The following ETNK1 variants were observed in gnomAD, a reference collection of about 807,000 sequenced individuals.
ETNK1 encodes the protein ethanolamine kinase 1, also known as putative protein product of Nbla10396.
Under a neutral mutation model 45.1 loss-of-function variants are expected in ETNK1, and 8 were observed. The ratio of observed to expected loss-of-function variants is 0.18; its 90% CI spans 0.10 to 0.32. ETNK1 has a LOEUF of 0.32. Ranked by LOEUF, ETNK1 falls within the 10% of genes least tolerant of loss-of-function variation. ETNK1 has a pLI of 1.00. For synonymous variants in ETNK1, 152 were observed against 151.9 expected, an observed-to-expected ratio of 1.00 and a Z score of -0.01; for missense variants, 302 against 430.6, an observed-to-expected ratio of 0.70 and a Z score of 2.64.
Position 22,673,415 on chromosome 12 carries a change from A to G in ETNK1, c.785-85A>G, listed in dbSNP as rs374921492. 2.2e-5 allele frequency: 23 copies of G among 1,037,704 alleles called. 1 individual carries two copies. In the African/African-American group the frequency reaches 3.7e-4, roughly 17 times the overall value. 64.3% of individuals were successfully genotyped at this position (1,037,704 alleles called of 1,614,324 possible). On this transcript the variant is annotated intron_variant, in intron 5 of 7. Transcript: ENST00000266517. Reference sequence around the variant, plus strand: ...AAATGGAACTTTTCATTTTTTATGAAAAAATGGTGGTTTTAGGGATTATTA... The same window carrying G: ...AAATGGAACTTTTCATTTTTTATGAGAAAATGGTGGTTTTAGGGATTATTA...
rs948834361 is a variant in ETNK1, at chr12:22,633,175, G to A, written c.156+7589G>A. Among the ~76,000 whole-genome samples the A allele has an allele frequency of 5.9e-5, 9 of 152,104 alleles. No homozygotes were observed. In the South Asian group the frequency reaches 1.0e-3, roughly 18 times the overall value. ...TTCAGTTTTCTGAAGTGATTGTCCC[G>A]GTTTATATTCCTAACAGCATTATGT... is the stretch of plus-strand genomic sequence containing the variant. On this transcript the variant is annotated intron_variant, in intron 1 of 7. Coordinates refer to ENST00000266517, the MANE Select transcript of ETNK1 (RefSeq NM_018638.5).
intron 1 of ETNK1, among the ~76,000 whole-genome samples, chr12:22,640,486 A>G (rs946112031): frequency 2.0e-5 from 3 of 151,692 alleles, no homozygotes; most frequent in East Asian, 1.9e-4. Context: ...ACTTTTAGAG[A>G]CATATTGAAA....
chr12:22,666,059 A>C (rs557448121), intron 4 of ETNK1, among the ~76,000 whole-genome samples: 1 of 152,198 alleles, frequency 6.6e-6, no homozygotes, highest in African/African-American at 2.4e-5. Context: ...TGCGAATGTT[A>C]TTGGAACAGA....
chr12:22,635,486 T>G (rs1332968408), intron 1 of ETNK1, among the ~76,000 whole-genome samples: 3 of 152,240 alleles, frequency 2.0e-5, no homozygotes, highest in Non-Finnish European at 1.5e-5. Context: ...CGTGTTTTCT[T>G]TGGTGACTAT....
intron 1 of ETNK1, among the ~76,000 whole-genome samples, chr12:22,627,586 A>C (rs1953519237): frequency 6.6e-6 from 1 of 152,056 alleles, no homozygotes; most frequent in Non-Finnish European, 1.5e-5. Flanking sequence ...ATGGTTCAGA[A>C]TTTCTTTAGT....
chr12:22,625,853 A>AT, intron 1 of ETNK1: 1 of 679,604 alleles, frequency 1.5e-6, no homozygotes, highest in Middle Eastern at 2.4e-4. Context: ...ACGGGGGGAG[A>AT]TTCCTGCTGA....
At chr12:22,635,993 C>T (rs915192857) in intron 1 of ETNK1, among the ~76,000 whole-genome samples, 8 of 152,040 alleles carry the variant, frequency 5.3e-5, no homozygotes, top group Non-Finnish European at 1.0e-4. Flanking sequence ...GTCTGGCCAA[C>T]CCTGTCTCTA....
chr12:22,672,339 A>T (rs1224343718), intron 5 of ETNK1, among the ~76,000 whole-genome samples: 1 of 152,050 alleles, frequency 6.6e-6, no homozygotes, highest in Non-Finnish European at 1.5e-5. Flanking sequence ...CCTAGTAGGA[A>T]TTTTTTATTG....
intron 2 of ETNK1, among the ~76,000 whole-genome samples, chr12:22,644,846 A>G (rs539011969): frequency 6.6e-6 from 1 of 151,982 alleles, no homozygotes; most frequent in Non-Finnish European, 1.5e-5. Flanking sequence ...GTCTTGTGAA[A>G]ATAGTTTCAA....
intron 4 of ETNK1, among the ~76,000 whole-genome samples, chr12:22,667,062 TA>T (rs1439783621): frequency 2.0e-5 from 3 of 152,238 alleles, no homozygotes; most frequent in African/African-American, 4.8e-5. Context: ...TTTTAATTTG[TA>T]TTCTCAACCA....
chr12:22,664,040 T>A (rs996769950), intron 4 of ETNK1, among the ~76,000 whole-genome samples: 1 of 152,006 alleles, frequency 6.6e-6, no homozygotes, highest in African/African-American at 2.4e-5. Flanking sequence ...TAACCTAGTC[T>A]TTAGTGTTAC....
rs138086696 is a variant in ETNK1 at position 22,642,773 on chromosome 12, T to C, written c.157-990T>C. Among the ~76,000 whole-genome samples, 544 of 152,214 alleles carry C rather than the reference T, an allele frequency of 3.6e-3. 5 individuals are homozygous for C. The highest frequency in any genetic ancestry group is 0.013 in the African/African-American group (520 of 41,574). ...AAAAAAATGTTCTGAATTCTTGCTT[T>C]CGCTTTTCTCTTTTCTTCCTTTGTT... On this transcript the variant is annotated intron_variant, in intron 1 of 7. Transcript: ENST00000266517.
intron 2 of ETNK1, chr12:22,644,453 A>G (rs1479364267): frequency 2.1e-6 from 2 of 960,386 alleles, no homozygotes; most frequent in Non-Finnish European, 2.7e-6. Flanking sequence ...TTAATTTAAT[A>G]TATTATGTTT....
intron 1 of ETNK1, among the ~76,000 whole-genome samples, chr12:22,640,181 G>C (rs1953716687): frequency 6.6e-6 from 1 of 152,126 alleles, no homozygotes; most frequent in Admixed American, 6.6e-5. Flanking sequence ...AGAACAAATT[G>C]AGAATCCATT....
At chr12:22,674,842 G>A (rs138423737) in intron 6 of ETNK1, among the ~76,000 whole-genome samples, 1 of 152,146 alleles carries the variant, frequency 6.6e-6, no homozygotes, top group African/African-American at 2.4e-5. Context: ...TCTGTACATG[G>A]CATTGAAAAA....
intron 6 of ETNK1, among the ~76,000 whole-genome samples, chr12:22,676,184 G>A (rs191804077): frequency 1.3e-5 from 2 of 151,928 alleles, no homozygotes; most frequent in Non-Finnish European, 2.9e-5. Flanking sequence ...GACAGGCCCC[G>A]GTGTGTGATG....
chr12:22,639,811 A>G (rs1592115916), intron 1 of ETNK1, among the ~76,000 whole-genome samples: 1 of 152,214 alleles, frequency 6.6e-6, no homozygotes, highest in Non-Finnish European at 1.5e-5. Flanking sequence ...GATGACTCCT[A>G]CCATTATAAA....
chr12:22,671,089 G>A (rs1429914024), intron 4 of ETNK1, 183 bp from the exon 5 acceptor site: 2 of 533,826 alleles, frequency 3.7e-6, no homozygotes, highest in Non-Finnish European at 6.5e-6. Flanking sequence ...GACATAATTT[G>A]AATTTTGTAA....
intron 4 of ETNK1, among the ~76,000 whole-genome samples, chr12:22,664,615 T>C (rs1342545877): frequency 6.6e-6 from 1 of 152,096 alleles, no homozygotes; most frequent in Non-Finnish European, 1.5e-5. Flanking sequence ...GGCAGCAATT[T>C]TGAAAAGGTT....
Sources: gnomAD v4.1 joint callset for allele counts (sites outside exome capture counted in the v4.1 genomes callset) on GRCh38, gnomAD v4.1.1 for gene constraint, MANE v1.5 for transcripts, NCBI Gene and HGNC (gene_info 2026-07-23, HGNC 2026-07-21) for gene names.